The following SHANK2 variants were observed in gnomAD, a reference collection of about 807,000 sequenced individuals.
SHANK2 encodes SH3 and multiple ankyrin repeat domains protein 2.
In SHANK2, 43 loss-of-function variants were observed where a neutral mutation model predicts 133.7. The observed-to-expected ratio is 0.32, with a 90% confidence interval of 0.25 to 0.41. The LOEUF (loss-of-function observed/expected upper bound fraction) is 0.41. SHANK2 is among the 10% of genes least tolerant of loss of function. The probability of loss-of-function intolerance (pLI) is 1.00; values close to 1 mark genes in which losing one functional copy is unlikely to be tolerated. For missense variants in SHANK2, 1,994 were observed against 2,235.8 expected, an observed-to-expected ratio of 0.89 and a Z score of 2.18; for synonymous variants, 1,017 against 952.8, an observed-to-expected ratio of 1.07 and a Z score of -1.24.
rs565755346 is a variant in SHANK2, at chr11:70,569,627, G to C, written c.2062-66696C>G. Among the ~76,000 whole-genome samples the C allele has an allele frequency of 3.1e-4, 47 of 152,282 alleles. No individual in the cohort carries two copies. Among genetic ancestry groups the C allele is most frequent in the African/African-American group, 9.6e-4 (40 of 41,560 alleles). Reference sequence around the variant, plus strand: ...AGGTTAGGACAGCCCTCGGGCTCAGGAGTGCCCAGTGACCCAGTCCTGGCC... The same window carrying C: ...AGGTTAGGACAGCCCTCGGGCTCAGCAGTGCCCAGTGACCCAGTCCTGGCC... On this transcript the variant is annotated intron_variant, in intron 17 of 25. Transcript: ENST00000601538. The surrounding 1 kb of genome is among the most constrained non-coding windows in gnomAD (Gnocchi z 5.1).
chr11:70,881,735 T>TA (rs33928294), intron 11 of SHANK2, among the ~76,000 whole-genome samples: 1,370 of 122,526 alleles, frequency 0.011, 23 homozygotes, highest in African/African-American at 0.041. Context: ...GCTTTAATTT[T>TA]ATTTTTTTTT....
chr11:70,729,765 C>G (rs1946246720), intron 14 of SHANK2, among the ~76,000 whole-genome samples: 1 of 151,478 alleles, frequency 6.6e-6, no homozygotes, highest in Admixed American at 6.6e-5. Flanking sequence ...GATCTTCTGA[C>G]CTCATGATCT....
intron 17 of SHANK2, among the ~76,000 whole-genome samples, chr11:70,585,043 G>C (rs1368935903): frequency 1.3e-5 from 2 of 152,234 alleles, no homozygotes; most frequent in Non-Finnish European, 2.9e-5. Context: ...CAGGGGCTTG[G>C]ATGCACTGGA....
At chr11:70,867,749 A>G (rs1376256373) in intron 11 of SHANK2, among the ~76,000 whole-genome samples, 2 of 152,112 alleles carry the variant, frequency 1.3e-5, no homozygotes, top group East Asian at 3.9e-4. Context: ...ACAATATTCC[A>G]CTGCTGACCT....
At chr11:70,553,837 A>G (rs1265223807) in intron 17 of SHANK2, among the ~76,000 whole-genome samples, 3 of 152,212 alleles carry the variant, frequency 2.0e-5, no homozygotes, top group African/African-American at 7.2e-5. Flanking sequence ...CCCCTCAGTG[A>G]ATAAGAGCCC....
chr11:71,086,631 A>G (rs1372745168), intron 8 of SHANK2, among the ~76,000 whole-genome samples: 1 of 150,414 alleles, frequency 6.6e-6, no homozygotes, highest in Non-Finnish European at 1.5e-5. Flanking sequence ...CAATCAGTTG[A>G]AGGCCTTAAG....
At chr11:70,714,965 T>C (rs1945876078) in intron 14 of SHANK2, among the ~76,000 whole-genome samples, 1 of 151,014 alleles carries the variant, frequency 6.6e-6, no homozygotes, top group African/African-American at 2.4e-5. Flanking sequence ...ACCACCACAC[T>C]TGGCTTTTTT....
At position 70,483,972 on chromosome 11, in the gene SHANK2, C is replaced by G. The variant is rs576619473; in HGVS notation, c.4979+1342G>C. 2.0e-5 allele frequency among the ~76,000 whole-genome samples: 3 copies of G among 152,290 alleles called. No individual in the cohort carries two copies. The South Asian group carries it at 6.2e-4, about 32-fold the overall frequency. ...CTTGAGCCCCAGCTGTATGTGATGT[C>G]ACTGATTAATGCACTGAGTGGCTTA... is the stretch of plus-strand genomic sequence containing the variant. On this transcript the variant is annotated intron_variant, in intron 25 of 25. Coordinates refer to ENST00000601538, the MANE Select transcript of SHANK2 (RefSeq NM_012309.5).
chr11:70,624,429 G>C (rs1280478846), intron 17 of SHANK2, among the ~76,000 whole-genome samples: 1 of 151,194 alleles, frequency 6.6e-6, no homozygotes, highest in Non-Finnish European at 1.5e-5. Context: ...ACAGAGAGAG[G>C]AACAACCATC....
intron 16 of SHANK2, among the ~76,000 whole-genome samples, chr11:70,660,811 GGGA>G (rs1410807159): frequency 2.6e-5 from 4 of 152,232 alleles, no homozygotes; most frequent in Admixed American, 2.6e-4. Context: ...ATGCCAGCTG[GGGA>G]GGAGGCCTCC....
At chr11:70,696,164 A>C (rs1555022189) in intron 15 of SHANK2, among the ~76,000 whole-genome samples, 1 of 152,112 alleles carries the variant, frequency 6.6e-6, no homozygotes. Context: ...GGCTCCTTCT[A>C]GTATGGGGAG....
At chr11:70,701,760 C>A (rs1226465281) in intron 14 of SHANK2, among the ~76,000 whole-genome samples, 1 of 152,182 alleles carries the variant, frequency 6.6e-6, no homozygotes, top group Non-Finnish European at 1.5e-5. Context: ...AGGAATCCCC[C>A]TGCACAGGCC....
chr11:71,071,351 G>A (rs1951138872), intron 9 of SHANK2, among the ~76,000 whole-genome samples: 2 of 152,228 alleles, frequency 1.3e-5, no homozygotes, highest in African/African-American at 4.8e-5. Context: ...TTGAGTGGGG[G>A]AAGTCTGCAG....
At chr11:70,902,883 A>G (rs2135690769) in intron 10 of SHANK2, among the ~76,000 whole-genome samples, 3 of 152,298 alleles carry the variant, frequency 2.0e-5, no homozygotes, top group Middle Eastern at 6.8e-3. Context: ...GGTCCCCTAC[A>G]GATGCAGGAA....
Position 70,469,536 on chromosome 11 carries a change from T to TA in SHANK2, c.*3332dup, listed in dbSNP as rs199842936. ...AATTACAGGAGCTTTTTTTTTTTTT[T>TA]ATAAAGTCTAAAAAGAATAAAAGCA... On this transcript the variant is annotated 3_prime_UTR_variant, in exon 26 of 26. Coordinates refer to ENST00000601538, the MANE Select transcript of SHANK2 (RefSeq NM_012309.5). The TA allele has an allele frequency of 1.3e-5, 2 of 151,882 alleles. No homozygotes were observed. Among genetic ancestry groups the TA allele is most frequent in the Non-Finnish European group, 2.9e-5 (2 of 67,990 alleles). 9.4% of individuals were successfully genotyped at this position (151,882 alleles called of 1,614,324 possible). A position where few individuals can be genotyped will look rare whatever the true frequency, so the allele number is the denominator to read the frequency against.
intron 1 of SHANK2, among the ~76,000 whole-genome samples, chr11:71,230,490 A>T (rs568138631): frequency 6.6e-6 from 1 of 151,506 alleles, no homozygotes; most frequent in South Asian, 2.1e-4. Flanking sequence ...AATGGCGTGA[A>T]CCCGGGAGGT....
intron 10 of SHANK2, among the ~76,000 whole-genome samples, chr11:70,924,331 T>C (rs1555081169): frequency 1.4e-5 from 1 of 73,048 alleles, no homozygotes; most frequent in Non-Finnish European, 2.6e-5. Flanking sequence ...CAGTCTCACC[T>C]GGGACACGCT....
intron 1 of SHANK2, among the ~76,000 whole-genome samples, chr11:71,245,140 C>G (rs1432402542): frequency 2.6e-5 from 4 of 151,968 alleles, no homozygotes; most frequent in African/African-American, 4.8e-5. Context: ...GCCACTACAC[C>G]TGGCTAATTT....
At chr11:71,210,972 C>G (rs962589553) in intron 2 of SHANK2, among the ~76,000 whole-genome samples, 7 of 152,158 alleles carry the variant, frequency 4.6e-5, no homozygotes, top group Non-Finnish European at 1.5e-5. Flanking sequence ...GGGTGTATTC[C>G]AGTTCAGTCC....
Sources: gnomAD v4.1 joint callset for allele counts (sites outside exome capture counted in the v4.1 genomes callset) on GRCh38, gnomAD v4.1.1 for gene constraint, Gnocchi (gnomAD v3.1) non-coding constraint, MANE v1.5 for transcripts, NCBI Gene and HGNC (gene_info 2026-07-23, HGNC 2026-07-21) for gene names.